KCNC2: variants seen among roughly 807,000 people sequenced by gnomAD.
KCNC2 encodes the protein potassium voltage-gated channel subfamily C member 2.
KCNC2 carries 21 observed loss-of-function variants against 44.5 expected under a neutral mutation model. The observed-to-expected ratio is 0.47, with a 90% CI of 0.33 to 0.68. KCNC2 has a LOEUF of 0.68. Ranked by LOEUF, KCNC2 falls within the 30% of genes least tolerant of loss-of-function variation. The pLI is 0.01. For missense variants in KCNC2, 589 were observed against 826.2 expected (o/e 0.71, Z 3.52); for synonymous variants, 391 against 339.1 (o/e 1.15, Z -1.68).
intron 2 of KCNC2, among the ~76,000 whole-genome samples, chr12:75,179,354 C>T (rs1892401001): frequency 6.6e-6 from 1 of 151,336 alleles, no homozygotes; most frequent in African/African-American, 2.4e-5. Flanking sequence ...TTCATTTTGG[C>T]AAAAATATAT....
intron 2 of KCNC2, among the ~76,000 whole-genome samples, chr12:75,148,547 G>A (rs1444691412): frequency 6.6e-6 from 1 of 152,014 alleles, no homozygotes; most frequent in Non-Finnish European, 1.5e-5. Flanking sequence ...AAACAAGAAA[G>A]GCTAGCTTGG....
At chr12:75,142,098 C>T (rs1409500364) in intron 2 of KCNC2, among the ~76,000 whole-genome samples, 1 of 152,162 alleles carries the variant, frequency 6.6e-6, no homozygotes, top group Non-Finnish European at 1.5e-5. Context: ...CTTAAATAAA[C>T]TTCCTGTACA....
chr12:75,093,079 A>G (rs1182359318), intron 2 of KCNC2, among the ~76,000 whole-genome samples: 4 of 151,244 alleles, frequency 2.6e-5, no homozygotes. Flanking sequence ...CTTCCAAGGA[A>G]ATGAGGGTGG....
intron 2 of KCNC2, among the ~76,000 whole-genome samples, chr12:75,196,121 C>A (rs1452836940): frequency 2.6e-5 from 4 of 152,136 alleles, no homozygotes; most frequent in Admixed American, 2.6e-4. Flanking sequence ...CCTGTGCTCA[C>A]TTCTACTGCA....
chr12:75,112,965 T>C (rs1057378552), intron 2 of KCNC2, among the ~76,000 whole-genome samples: 2 of 152,104 alleles, frequency 1.3e-5, no homozygotes, highest in Admixed American at 6.5e-5. Flanking sequence ...TCAAATAATA[T>C]GAAAATGGAA....
At chr12:75,066,258 T>A (rs1344264784) in intron 2 of KCNC2, among the ~76,000 whole-genome samples, 3 of 152,140 alleles carry the variant, frequency 2.0e-5, no homozygotes, top group Admixed American at 6.5e-5. Context: ...TCATTTCTAA[T>A]AGATTCAAAG....
intron 2 of KCNC2, among the ~76,000 whole-genome samples, chr12:75,167,084 CTT>C (rs1891506691): frequency 1.3e-5 from 2 of 151,120 alleles, no homozygotes; most frequent in Non-Finnish European, 3.0e-5. Context: ...AATTACTAAA[CTT>C]AGGAATGAGA....
intron 2 of KCNC2, among the ~76,000 whole-genome samples, chr12:75,075,331 C>T (rs910295646): frequency 6.6e-6 from 1 of 151,426 alleles, no homozygotes; most frequent in African/African-American, 2.4e-5. Context: ...GCCATGATTC[C>T]TTTTTGCATT....
chr12:75,041,187 A>G lies in KCNC2; in HGVS notation c.*1918T>C. The G allele has an allele frequency of 6.3e-7, 1 of 1,596,284 alleles. No homozygotes were observed. The highest frequency in any genetic ancestry group is 8.5e-7 in the Non-Finnish European group (1 of 1,178,378). On this transcript the variant is annotated 3_prime_UTR_variant, in exon 5 of 5. Transcript: ENST00000549446. ...TCCCTTTCTCAGCAGTCAATAATCCATGATAAATTCTGTACAACACTGTAG... is the reference window on the plus strand; with the variant it reads ...TCCCTTTCTCAGCAGTCAATAATCCGTGATAAATTCTGTACAACACTGTAG...
At chr12:75,199,814 C>T (rs751512822) in intron 2 of KCNC2, among the ~76,000 whole-genome samples, 10 of 151,772 alleles carry the variant, frequency 6.6e-5, no homozygotes, top group East Asian at 1.9e-4. Flanking sequence ...AGTAGAAAAA[C>T]GTATTATAAA....
Position 75,207,784 on chromosome 12 carries a change from G to T in KCNC2, c.200C>A (p.Ala67Glu), listed in dbSNP as rs1209434610. 1.3e-6 allele frequency: 2 copies of T among 1,587,868 alleles called. No homozygotes were observed. Among genetic ancestry groups the T allele is most frequent in the African/African-American group, 1.4e-5 (1 of 73,460 alleles). ...GCCTGGCCCGGGGGACAGCGGGGGC[G>T]CTCTCGGCGGCGGCGACAGTGGAGG... ...SPPPLSPPPR[A>E]PPLSPGPGGC... Residue 67 changes from alanine to glutamate, a missense_variant, in exon 2 of 5, where the codon GCG (alanine) becomes GAG (glutamate). By Grantham distance (107) the Ala-to-Glu change is moderately radical (BLOSUM62 -1). Around this residue, in one of 7 missense-constraint regions of KCNC2, gnomAD observed 148 missense variants for 140.1 expected, o/e 1.06. Coordinates refer to ENST00000549446, the MANE Select transcript of KCNC2 (RefSeq NM_139137.4). This position sits in a 1 kb window ranked among gnomAD's most constrained non-coding sequence, Gnocchi z 4.1.
chr12:75,087,113 A>G (rs1403503878), intron 2 of KCNC2, among the ~76,000 whole-genome samples: 4 of 152,092 alleles, frequency 2.6e-5, no homozygotes, highest in Non-Finnish European at 5.9e-5. Context: ...ATAACTCTAT[A>G]TGAGAAATTC....
At chr12:75,043,503 A>C (rs950111288) in intron 4 of KCNC2, 1 of 1,261,388 alleles carries the variant, frequency 7.9e-7, no homozygotes, top group Admixed American at 3.5e-5. Context: ...GTTAGCATTA[A>C]TATAATTTTG....
chr12:75,162,705 T>C (rs1891197808), intron 2 of KCNC2, among the ~76,000 whole-genome samples: 1 of 151,746 alleles, frequency 6.6e-6, no homozygotes, highest in Non-Finnish European at 1.5e-5. Context: ...AAACAGACTC[T>C]TTGCTGCCTA....
At chr12:75,095,922 T>G (rs1335156404) in intron 2 of KCNC2, among the ~76,000 whole-genome samples, 1 of 151,924 alleles carries the variant, frequency 6.6e-6, no homozygotes, top group Non-Finnish European at 1.5e-5. Flanking sequence ...TATATCAAAT[T>G]TTATCAACCA....
At chr12:75,099,129 T>C (rs534938613) in intron 2 of KCNC2, among the ~76,000 whole-genome samples, 1 of 152,192 alleles carries the variant, frequency 6.6e-6, no homozygotes, top group Non-Finnish European at 1.5e-5. Context: ...GTCACTATTA[T>C]TTATGCAATT....
intron 2 of KCNC2, among the ~76,000 whole-genome samples, chr12:75,121,178 A>C (rs1475082465): frequency 1.3e-5 from 2 of 152,136 alleles, no homozygotes; most frequent in African/African-American, 2.4e-5. Flanking sequence ...TGAATTCCTG[A>C]CTTGGCTCTT....
At chr12:75,117,397 G>C (rs1184900101) in intron 2 of KCNC2, among the ~76,000 whole-genome samples, 2 of 152,106 alleles carry the variant, frequency 1.3e-5, no homozygotes, top group Non-Finnish European at 2.9e-5. Flanking sequence ...TAAAACAACT[G>C]TCCCCCCAAA....
At chr12:75,145,486 T>G (rs750391477) in intron 2 of KCNC2, among the ~76,000 whole-genome samples, 5 of 152,086 alleles carry the variant, frequency 3.3e-5, no homozygotes, top group Non-Finnish European at 7.4e-5. Flanking sequence ...AAAGACATTA[T>G]CCTTGTAAGA....
Sources: allele counts gnomAD v4.1 joint callset (sites outside exome capture counted in the v4.1 genomes callset), GRCh38; gene constraint gnomAD v4.1.1; regional missense constraint gnomAD v4.1.1; non-coding constraint Gnocchi (gnomAD v3.1); transcripts MANE v1.5; gene names NCBI Gene and HGNC (gene_info 2026-07-23, HGNC 2026-07-21).